CTNNA2: variants seen among roughly 807,000 people sequenced by gnomAD.
CTNNA2 encodes catenin alpha-2.
In CTNNA2, 42 loss-of-function variants were observed where a neutral mutation model predicts 101.0. The ratio of observed to expected loss-of-function variants is 0.42; its 90% CI spans 0.32 to 0.54. The LOEUF (loss-of-function observed/expected upper bound fraction) is 0.54, where lower values mean the gene tolerates loss of function less well. Ranked by LOEUF, CTNNA2 falls within the 20% of genes least tolerant of loss-of-function variation. The pLI is 0.14. For synonymous variants in CTNNA2, 450 were observed against 456.4 expected (o/e 0.99, Z 0.18); for missense variants, 871 against 1,223.1 (o/e 0.71, Z 4.29).
At chr2:79,435,310 A>C (rs1182091540) in intron 4 of CTNNA2, among the ~76,000 whole-genome samples, 1 of 152,144 alleles carries the variant, frequency 6.6e-6, no homozygotes, top group Non-Finnish European at 1.5e-5. Flanking sequence ...TGGCCTGCTT[A>C]ATGTTCAGAG....
intron 7 of CTNNA2, among the ~76,000 whole-genome samples, chr2:80,281,910 T>C (rs770753425): frequency 3.9e-5 from 6 of 152,154 alleles, no homozygotes; most frequent in Non-Finnish European, 7.4e-5. Context: ...AAAGAAGTAA[T>C]GCTAAAGTTG....
Position 79,636,904 on chromosome 2 carries a change from C to G in CTNNA2, c.-5-14648C>G, listed in dbSNP as rs571499590. ...CATAAATTTGCTTGTCATTCTTCCC[C>G]GAGACCATGATAATCTTCTCCACAT... is the stretch of plus-strand genomic sequence containing the variant. On this transcript the variant is annotated intron_variant, in intron 1 of 18. Coordinates refer to ENST00000402739, the MANE Select transcript of CTNNA2 (RefSeq NM_001282597.3). The G allele has an allele frequency of 2.6e-5, 4 of 152,128 alleles. No individual in the cohort carries two copies. In the South Asian group the frequency reaches 8.3e-4, roughly 32 times the overall value. 9.4% of individuals were successfully genotyped at this position (152,128 alleles called of 1,614,324 possible). A position where few individuals can be genotyped will look rare whatever the true frequency, so the allele number is the denominator to read the frequency against.
At chr2:80,047,804 A>G (rs1353465230) in intron 7 of CTNNA2, among the ~76,000 whole-genome samples, 1 of 152,218 alleles carries the variant, frequency 6.6e-6, no homozygotes, top group Non-Finnish European at 1.5e-5. Flanking sequence ...GTGGTTGAAA[A>G]GAATATAAGA....
chr2:80,097,821 G>A (rs554583258), intron 7 of CTNNA2, among the ~76,000 whole-genome samples: 15 of 152,028 alleles, frequency 9.9e-5, no homozygotes, highest in Non-Finnish European at 1.2e-4. Context: ...TTATGCATTC[G>A]TCACGTAGTT....
At chr2:79,599,286 T>C (rs1389471955) in intron 1 of CTNNA2, among the ~76,000 whole-genome samples, 1 of 152,212 alleles carries the variant, frequency 6.6e-6, no homozygotes, top group African/African-American at 2.4e-5. Context: ...CTCTTCTGGA[T>C]CTAAAATGTT....
intron 7 of CTNNA2, among the ~76,000 whole-genome samples, chr2:80,311,709 C>A (rs1303172053): frequency 1.3e-5 from 2 of 152,202 alleles, no homozygotes; most frequent in East Asian, 3.8e-4. Flanking sequence ...TTGTGAAATG[C>A]ACAAGGCTTT....
At chr2:80,301,874 TA>T in intron 7 of CTNNA2, 1 of 163,960 alleles carries the variant, frequency 6.1e-6, no homozygotes, top group East Asian at 1.8e-4. Context: ...CACCAGTCTG[TA>T]AAAACTGTAA....
At chr2:80,230,135 C>T (rs536664261) in intron 7 of CTNNA2, among the ~76,000 whole-genome samples, 57 of 152,156 alleles carry the variant, frequency 3.7e-4, no homozygotes, top group African/African-American at 1.2e-3. Flanking sequence ...TGTGTAAGTA[C>T]ACTCTATGAT....
intron 7 of CTNNA2, among the ~76,000 whole-genome samples, chr2:79,994,243 A>T (rs1198462406): frequency 6.6e-6 from 1 of 152,148 alleles, no homozygotes; most frequent in Non-Finnish European, 1.5e-5. Flanking sequence ...GTTTAAAAGC[A>T]CCTCATGTTC....
chr2:80,154,432 G>A (rs562472324), intron 7 of CTNNA2, among the ~76,000 whole-genome samples: 51 of 152,228 alleles, frequency 3.4e-4, no homozygotes, highest in African/African-American at 7.5e-4. Flanking sequence ...CCACAATGCC[G>A]GGAGCTAAGT....
At chr2:79,757,024 A>T (rs974046829) in intron 3 of CTNNA2, among the ~76,000 whole-genome samples, 1 of 152,340 alleles carries the variant, frequency 6.6e-6, no homozygotes, top group African/African-American at 2.4e-5. Context: ...AAAACTAAAC[A>T]GATTTAATTG....
intron 15 of CTNNA2, among the ~76,000 whole-genome samples, chr2:80,590,463 A>ATGTG (rs1558621799): frequency 7.9e-5 from 12 of 151,424 alleles, no homozygotes; most frequent in African/African-American, 2.2e-4. Flanking sequence ...ACACATATGC[A>ATGTG]AAGATGTTTT....
intron 2 of CTNNA2, among the ~76,000 whole-genome samples, chr2:79,262,738 C>T (rs142283593): frequency 6.6e-6 from 1 of 152,272 alleles, no homozygotes; most frequent in African/African-American, 2.4e-5. Context: ...GTGATTCTGA[C>T]ACCTACTGAG....
intron 7 of CTNNA2, among the ~76,000 whole-genome samples, chr2:80,068,746 C>A (rs1217762362): frequency 2.0e-5 from 3 of 152,124 alleles, no homozygotes; most frequent in Admixed American, 6.5e-5. Flanking sequence ...CAGTTTGAAA[C>A]CCTTTCCTGG....
chr2:80,205,188 A>G (rs775221308), intron 7 of CTNNA2, among the ~76,000 whole-genome samples: 1 of 152,170 alleles, frequency 6.6e-6, no homozygotes, highest in Non-Finnish European at 1.5e-5. Flanking sequence ...ACAATTAGCA[A>G]TAACCAAACC....
intron 2 of CTNNA2, among the ~76,000 whole-genome samples, chr2:79,300,666 A>T (rs991658963): frequency 2.6e-5 from 4 of 152,134 alleles, no homozygotes; most frequent in Non-Finnish European, 4.4e-5. Flanking sequence ...GTTTCATTAA[A>T]TCTTATATTT....
chr2:79,232,235 A>G (rs1389884716), intron 2 of CTNNA2, among the ~76,000 whole-genome samples: 1 of 152,168 alleles, frequency 6.6e-6, no homozygotes, highest in Non-Finnish European at 1.5e-5. Context: ...TGTTTCTTCA[A>G]TGCCTAATTG....
At chr2:80,429,769 C>G (rs1681320328) in intron 9 of CTNNA2, among the ~76,000 whole-genome samples, 1 of 152,194 alleles carries the variant, frequency 6.6e-6, no homozygotes, top group Admixed American at 6.5e-5. Context: ...AGCTCACCCA[C>G]CAGCTTCACG....
In CTNNA2 at chr2:80,339,629, A is replaced by G. The variant is rs187363002; in HGVS notation, c.1057-53582A>G. Reference sequence around the variant, plus strand: ...TTGCTTCTTCAACTAGTCATCCCCTACTGATTAAATACCTACCATGGGTTT... The same window carrying G: ...TTGCTTCTTCAACTAGTCATCCCCTGCTGATTAAATACCTACCATGGGTTT... On this transcript the variant is annotated intron_variant, in intron 7 of 18. Coordinates refer to ENST00000402739, the MANE Select transcript of CTNNA2 (RefSeq NM_001282597.3). Among the ~76,000 whole-genome samples the G allele has an allele frequency of 5.3e-4, 80 of 152,246 alleles. 1 individual carries two copies. The highest frequency in any genetic ancestry group is 1.2e-4 in the Non-Finnish European group (8 of 68,022).
Sources: allele counts gnomAD v4.1 joint callset (sites outside exome capture counted in the v4.1 genomes callset), GRCh38; gene constraint gnomAD v4.1.1; transcripts MANE v1.5; gene names NCBI Gene and HGNC (gene_info 2026-07-23, HGNC 2026-07-21).